KCNJ13: variants seen among roughly 807,000 people sequenced by gnomAD.
The protein encoded by KCNJ13 is potassium inwardly rectifying channel subfamily J member 13, also known as inward rectifier potassium channel 13.
Under a neutral mutation model 24.6 loss-of-function variants are expected in KCNJ13, and 9 were observed. The observed-to-expected ratio is 0.37, with a 90% confidence interval of 0.22 to 0.64. The LOEUF is 0.64. Among genes scored for constraint, KCNJ13 ranks in the 30% least tolerant of loss-of-function variants. The pLI, the probability that KCNJ13 is intolerant of heterozygous loss-of-function variation, is 0.64. For synonymous variants in KCNJ13, 148 were observed against 154.7 expected (o/e 0.96, Z 0.32); for missense variants, 337 against 443.8 (o/e 0.76, Z 2.16).
At chr2:232,769,505 CA>C (rs34912964) in intron 2 of KCNJ13, among the ~76,000 whole-genome samples, 4,459 of 66,482 alleles carry the variant, frequency 0.067, 89 homozygotes, top group African/African-American at 0.13. Flanking sequence ...GACTCCATCT[CA>C]AAAAAAAAAA....
chr2:232,770,070 T>G (rs2106337863), intron 2 of KCNJ13, among the ~76,000 whole-genome samples: 2 of 152,324 alleles, frequency 1.3e-5, no homozygotes, highest in South Asian at 4.1e-4. Context: ...ATAGACCCCC[T>G]TAATTGTATG....
At chr2:232,771,504 C>G (rs1035812053) in intron 1 of KCNJ13, 126 bp from the exon 2 acceptor site, 2 of 588,484 alleles carry the variant, frequency 3.4e-6, no homozygotes, top group South Asian at 5.2e-5. Flanking sequence ...CCAACTCTCT[C>G]GCTTTTCTCT....
At chr2:232,774,681 T>G (rs1699437264) in intron 1 of KCNJ13, among the ~76,000 whole-genome samples, 1 of 152,232 alleles carries the variant, frequency 6.6e-6, no homozygotes, top group Non-Finnish European at 1.5e-5. Flanking sequence ...GCTTCCTGCC[T>G]ATGTGAAAAT....
intron 2 of KCNJ13, 98 bp from the exon 3 acceptor site, chr2:232,768,911 T>C: frequency 9.2e-7 from 1 of 1,083,076 alleles, no homozygotes; most frequent in Non-Finnish European, 1.3e-6. Context: ...ACACATTTCT[T>C]GGTGCCATGC....
rs141025589 is a variant in KCNJ13, at chr2:232,775,502, A to G, written c.-17+943T>C. 2.1e-3 allele frequency among the ~76,000 whole-genome samples: 314 copies of G among 152,272 alleles called. 1 individual carries two copies. Among genetic ancestry groups the G allele is most frequent in the African/African-American group, 7.2e-3 (300 of 41,566 alleles). On this transcript the variant is annotated intron_variant, in intron 1 of 2. Coordinates refer to ENST00000233826, the MANE Select transcript of KCNJ13 (RefSeq NM_002242.4). Reference sequence around the variant, plus strand: ...CTCGTATGGTTTAAAAAATTATACTATTGTTACCTGATATTTAAGTCTCAT... The same window carrying G: ...CTCGTATGGTTTAAAAAATTATACTGTTGTTACCTGATATTTAAGTCTCAT...
rs377117377 is a variant in KCNJ13, at chr2:232,766,826, A to G, written c.*1365T>C. 5.9e-5 allele frequency: 9 copies of G among 152,294 alleles called. No individual in the cohort carries two copies. The highest frequency in any genetic ancestry group is 1.9e-4 in the African/African-American group (8 of 41,574). The allele number at this position is 152,294 out of a possible 1,614,324, so 9.4% of individuals were successfully genotyped here. ...TTATTTCAAGAGATGATTCCTGCCTAGGTCATCACCAGTGGGGAAGGTTAA... is the reference window on the plus strand; with the variant it reads ...TTATTTCAAGAGATGATTCCTGCCTGGGTCATCACCAGTGGGGAAGGTTAA... On this transcript the variant is annotated 3_prime_UTR_variant, in exon 3 of 3. Coordinates refer to ENST00000233826, the MANE Select transcript of KCNJ13 (RefSeq NM_002242.4).
Position 232,771,244 on chromosome 2 carries a change from T to C in KCNJ13, c.119A>G (p.Tyr40Cys). ...TAGGATTCCCCAAGCATCTCGAAGA[T>C]ATGCAAGACCTCTTTGAGCGCCATC... The part of the protein sequence containing the change: ...QMDGAQRGLA[Y>C]LRDAWGILMD... The change falls in exon 2 of 3, where the codon TAT becomes TGT. Residue 40 changes from tyrosine (Y) to cysteine (C), a missense_variant. Tyr to Cys is a radical substitution (Grantham distance 194). This residue lies in a region of KCNJ13 where 101 missense variants were observed against 139.2 expected (regional missense o/e 0.73). Coordinates refer to ENST00000233826, the MANE Select transcript of KCNJ13 (RefSeq NM_002242.4). 6.2e-7 allele frequency: 1 copy of C among 1,609,922 alleles called. No individual in the cohort carries two copies. Among genetic ancestry groups the C allele is most frequent in the Non-Finnish European group, 8.5e-7 (1 of 1,176,840 alleles).
intron 1 of KCNJ13, among the ~76,000 whole-genome samples, chr2:232,773,091 A>G (rs1169877028): frequency 6.6e-6 from 1 of 152,164 alleles, no homozygotes; most frequent in Non-Finnish European, 1.5e-5. Context: ...TTCATATGAT[A>G]TAGACTTTAA....
In KCNJ13 at chr2:232,770,814, T is replaced by C. The variant is rs1365517910; in HGVS notation, c.460+89A>G. On this transcript the variant is annotated intron_variant, in intron 2 of 2. Coordinates refer to ENST00000233826, the MANE Select transcript of KCNJ13 (RefSeq NM_002242.4). ...TAAATTATTCTGTAACAGCATTACT[T>C]ATAACTGACTATACCCTTTCCAAAC... 12 of 861,338 alleles carry C rather than the reference T, an allele frequency of 1.4e-5. No homozygotes were observed. The East Asian group carries it at 2.6e-4, about 19-fold the overall frequency. 53.4% of individuals were successfully genotyped at this position (861,338 alleles called of 1,614,324 possible). A position where few individuals can be genotyped will look rare whatever the true frequency, so the allele number is the denominator to read the frequency against.
rs116524673 is a variant in KCNJ13 at position 232,775,255 on chromosome 2, C to A, written c.-17+1190G>T. ...GATAAGGGGATATGGCCTTCAGGCT[C>A]TAGCACTGTTGGTTACATAGCTGTG... is the stretch of plus-strand genomic sequence containing the variant. On this transcript the variant is annotated intron_variant, in intron 1 of 2. Transcript: ENST00000233826. Among the ~76,000 whole-genome samples, 1,094 of 152,224 alleles carry A rather than the reference C, an allele frequency of 7.2e-3. 15 individuals carry two copies. The highest frequency in any genetic ancestry group is 0.024 in the African/African-American group (1,005 of 41,534).
chr2:232,768,728 A>G lies in KCNJ13; in HGVS notation c.546T>C (p.Asp182=). 5.0e-6 allele frequency: 8 copies of G among 1,602,342 alleles called. No individual in the cohort carries two copies. The highest frequency in any genetic ancestry group is 6.8e-6 in the Non-Finnish European group (8 of 1,170,978). ...FTDTAVVAHM[D]GKPNLIFQVA... ...CTTGGAAGATAAGATTAGGTTTGCC[A>G]TCCATGTGAGCTACTACTGCTGTGT... The change falls in exon 3 of 3, where the codon GAT becomes GAC. Residue 182 remains aspartate, a synonymous_variant. Coordinates refer to ENST00000233826, the MANE Select transcript of KCNJ13 (RefSeq NM_002242.4).
intron 1 of KCNJ13, among the ~76,000 whole-genome samples, chr2:232,773,766 A>G (rs1368758306): frequency 9.9e-5 from 15 of 152,148 alleles, no homozygotes; most frequent in Non-Finnish European, 2.9e-5. Flanking sequence ...GGCACAGAGT[A>G]AGCTCTCAGT....
At chr2:232,772,653 A>G (rs555191456) in intron 1 of KCNJ13, among the ~76,000 whole-genome samples, 4 of 152,306 alleles carry the variant, frequency 2.6e-5, no homozygotes, top group Admixed American at 1.3e-4. Flanking sequence ...GTTACTAGGA[A>G]CAGAACAGGA....
At position 232,768,506 on chromosome 2, in the gene KCNJ13, C is replaced by G; in HGVS notation, c.768G>C (p.Leu256=). 1 of 1,614,098 alleles carries G rather than the reference C, an allele frequency of 6.2e-7. No homozygotes were observed. The highest frequency in any genetic ancestry group is 8.5e-7 in the Non-Finnish European group (1 of 1,179,980). Reference sequence around the variant, plus strand: ...AGTGAGAAGGATTTTCATGCTGGAGCAGAGTAGCCAGAGGACTTGATGGTG... The same window carrying G: ...AGTGAGAAGGATTTTCATGCTGGAGGAGAGTAGCCAGAGGACTTGATGGTG... ...SITPSSPLAT[L]LQHENPSHFE... Residue 256 remains leucine, a synonymous_variant, in exon 3 of 3, where the codon CTG becomes CTC. Transcript: ENST00000233826.
rs1408420883 is a variant in KCNJ13, at chr2:232,766,819, C to G, written c.*1372G>C. On this transcript the variant is annotated 3_prime_UTR_variant, in exon 3 of 3. Transcript: ENST00000233826. ...CTAGTATTTATTTCAAGAGATGATT[C>G]CTGCCTAGGTCATCACCAGTGGGGA... The G allele has an allele frequency of 1.3e-5, 2 of 152,164 alleles. No individual in the cohort carries two copies. The highest frequency in any genetic ancestry group is 2.9e-5 in the Non-Finnish European group (2 of 68,022). The allele number at this position is 152,164 out of a possible 1,614,324, so 9.4% of individuals were successfully genotyped here. A position where few individuals can be genotyped will look rare whatever the true frequency, so the allele number is the denominator to read the frequency against.
Position 232,766,083 on chromosome 2 carries a change from C to G in KCNJ13, c.*2108G>C, listed in dbSNP as rs1358231771. On this transcript the variant is annotated 3_prime_UTR_variant, in exon 3 of 3. Transcript: ENST00000233826. ...TTCCTTTTCCTCAGAGGATAATGGT[C>G]TTTCTATAGAAAACCTAATCCTTAA... 1 of 461,522 alleles carries G rather than the reference C, an allele frequency of 2.2e-6. No homozygotes were observed. The highest frequency in any genetic ancestry group is 4.5e-6 in the Non-Finnish European group (1 of 222,168). 28.6% of individuals were successfully genotyped at this position (461,522 alleles called of 1,614,324 possible).
At chr2:232,769,904 A>G (rs1165169005) in intron 2 of KCNJ13, among the ~76,000 whole-genome samples, 2 of 152,218 alleles carry the variant, frequency 1.3e-5, no homozygotes, top group Admixed American at 6.5e-5. Flanking sequence ...TGTGATTTTC[A>G]AGTATTCTGG....
chr2:232,774,753 G>A (rs1699440839), intron 1 of KCNJ13, among the ~76,000 whole-genome samples: 1 of 152,136 alleles, frequency 6.6e-6, no homozygotes, highest in Non-Finnish European at 1.5e-5. Context: ...CCTACTGAAT[G>A]CTGCTAAGTG....
In KCNJ13 at chr2:232,768,665, C is replaced by G; in HGVS notation, c.609G>C (p.Arg203=). The G allele has an allele frequency of 6.2e-7, 1 of 1,613,454 alleles. No homozygotes were observed. Among genetic ancestry groups the G allele is most frequent in the Admixed American group, 1.7e-5 (1 of 59,980 alleles). Residue 203 remains arginine, a synonymous_variant, in exon 3 of 3, where the codon CGG becomes CGC. Transcript: ENST00000233826. The part of the protein sequence containing the change: ...NTRPSPLTSV[R]VSAVLYQERE... Reference sequence around the variant, plus strand: ...TTTCCTGATAGAGTACAGCTGAGACCCGGACACTGGTTAGAGGGCTAGGTC... The same window carrying G: ...TTTCCTGATAGAGTACAGCTGAGACGCGGACACTGGTTAGAGGGCTAGGTC...
Sources: gnomAD v4.1 joint callset for allele counts (sites outside exome capture counted in the v4.1 genomes callset) on GRCh38, gnomAD v4.1.1 for gene constraint, gnomAD v4.1.1 regional missense constraint, MANE v1.5 for transcripts, NCBI Gene and HGNC (gene_info 2026-07-23, HGNC 2026-07-21) for gene names.